The following ADRA1A variants were observed in gnomAD, a reference collection of about 807,000 sequenced individuals.
The protein encoded by ADRA1A is alpha-1A adrenergic receptor.
Under a neutral mutation model 29.6 loss-of-function variants are expected in ADRA1A, and 31 were observed. That is an observed-to-expected ratio of 1.05 (90% confidence interval 0.79 to 1.41). The LOEUF (loss-of-function observed/expected upper bound fraction) is 1.41. Among genes scored for constraint, ADRA1A ranks in the 40% most tolerant of loss-of-function variants. The pLI, the probability that ADRA1A is intolerant of heterozygous loss-of-function variation, is 0.00. For synonymous variants in ADRA1A, 311 were observed against 254.3 expected, an observed-to-expected ratio of 1.22 and a Z score of -2.12; for missense variants, 619 against 601.1, an observed-to-expected ratio of 1.03 and a Z score of -0.31.
downstream of ADRA1A, among the ~76,000 whole-genome samples, chr8:26,765,557 G>A (rs1037715510): frequency 8.5e-5 from 13 of 152,246 alleles, no homozygotes; most frequent in South Asian, 4.1e-4. Flanking sequence ...GGAGCTGTGC[G>A]CAGGTGGTTT....
chr8:26,795,436 A>G (rs1808126444), intron 2 of ADRA1A, among the ~76,000 whole-genome samples: 1 of 152,172 alleles, frequency 6.6e-6, no homozygotes, highest in African/African-American at 2.4e-5. Context: ...TTGAAAACTG[A>G]TAAGTAAAGA....
chr8:26,846,811 A>C (rs575363917), intron 2 of ADRA1A, among the ~76,000 whole-genome samples: 52 of 152,328 alleles, frequency 3.4e-4, no homozygotes, highest in Non-Finnish European at 5.7e-4. Flanking sequence ...AAAGACTTGG[A>C]ACCAACCCAA....
intron 2 of ADRA1A, among the ~76,000 whole-genome samples, chr8:26,758,114 T>A (rs557477028): frequency 6.6e-6 from 1 of 152,288 alleles, no homozygotes; most frequent in African/African-American, 2.4e-5. Context: ...GGTGGGGATA[T>A]TTCCAACCCA....
At chr8:26,780,510 T>C (rs559599962) in intron 2 of ADRA1A, among the ~76,000 whole-genome samples, 3 of 152,356 alleles carry the variant, frequency 2.0e-5, no homozygotes, top group Non-Finnish European at 4.4e-5. Context: ...CAATTCTCTC[T>C]GTCTTCAAGG....
At chr8:26,800,713 T>C (rs1228520767) in intron 2 of ADRA1A, among the ~76,000 whole-genome samples, 1 of 152,148 alleles carries the variant, frequency 6.6e-6, no homozygotes, top group African/African-American at 2.4e-5. Context: ...ACTCAAACTA[T>C]TTCAAAAAAT....
chr8:26,846,345 T>C (rs1252278778), intron 2 of ADRA1A, among the ~76,000 whole-genome samples: 1 of 152,234 alleles, frequency 6.6e-6, no homozygotes, highest in Non-Finnish European at 1.5e-5. Context: ...CTTGGCACTA[T>C]TGCCATTTTG....
downstream of ADRA1A, among the ~76,000 whole-genome samples, chr8:26,761,425 T>C (rs757953662): frequency 1.3e-5 from 2 of 152,224 alleles, no homozygotes; most frequent in Admixed American, 1.3e-4. Flanking sequence ...AATGTGACTG[T>C]ATTCGGCGAT....
At chr8:26,774,985 C>A (rs758379414) in intron 2 of ADRA1A, among the ~76,000 whole-genome samples, 4 of 152,298 alleles carry the variant, frequency 2.6e-5, no homozygotes, top group African/African-American at 4.8e-5. Flanking sequence ...TTGTTCCTGG[C>A]CTCCAGCCAT....
At chr8:26,763,877 C>G (rs1268627000), downstream of ADRA1A, among the ~76,000 whole-genome samples, 1 of 152,096 alleles carries the variant, frequency 6.6e-6, no homozygotes. The surrounding 1 kb of genome is among the most constrained non-coding windows in gnomAD (Gnocchi z 4.5). Flanking sequence ...ACTGTATGAC[C>G]CCACAATGCC....
chr8:26,807,207 A>T (rs1237943644), intron 2 of ADRA1A, among the ~76,000 whole-genome samples: 1 of 152,196 alleles, frequency 6.6e-6, no homozygotes, highest in Non-Finnish European at 1.5e-5. Context: ...GCCCTGGGCA[A>T]GCCACTGAGC....
chr8:26,865,795 T>A lies in ADRA1A; in HGVS notation c.-686-140A>T. 1.2e-6 allele frequency: 1 copy of A among 811,272 alleles called. No homozygotes were observed. Among genetic ancestry groups the A allele is most frequent in the Non-Finnish European group, 1.5e-6 (1 of 671,402 alleles). The allele number at this position is 811,272 out of a possible 1,614,324, so 50.3% of individuals were successfully genotyped here. A position where few individuals can be genotyped will look rare whatever the true frequency, so the allele number is the denominator to read the frequency against. ...CAGAAGCTGCTTCGCCCGGCAGCGGTGGAGGCGACTTCGGAGCTCATCTCG... is the reference window on the plus strand; with the variant it reads ...CAGAAGCTGCTTCGCCCGGCAGCGGAGGAGGCGACTTCGGAGCTCATCTCG... On this transcript the variant is annotated intron_variant, in intron 1 of 2. Transcript: ENST00000380573. This position sits in a 1 kb window ranked among gnomAD's most constrained non-coding sequence, Gnocchi z 7.6.
rs561399406 is a variant in ADRA1A at position 26,770,601 on chromosome 8, G to T, written c.949C>A (p.Leu317Ile). ...VFKIVFWLGY[L>I]NSCINPIIYP... Reference sequence around the variant, plus strand: ...ATGATGGGGTTGATGCAGCTGTTTAGATATCCGAGCCAAAATACTATTTTA... The same window carrying T: ...ATGATGGGGTTGATGCAGCTGTTTATATATCCGAGCCAAAATACTATTTTA... The change falls in exon 3 of 3, where the codon CTA becomes ATA. Residue 317 changes from leucine to isoleucine, a missense_variant. Physicochemically the swap from Leu to Ile is conservative, Grantham distance 5. Transcript: ENST00000380573. 6.2e-7 allele frequency: 1 copy of T among 1,614,206 alleles called. No homozygotes were observed. Among genetic ancestry groups the T allele is most frequent in the Non-Finnish European group, 8.5e-7 (1 of 1,180,040 alleles).
rs140826212 is a variant in ADRA1A, at chr8:26,779,509, A to G, written c.884-8843T>C. ...AGAGCAGATGCTTCTAGGCAAATGG[A>G]AACAGTCAAAAGGGGAAAACAGCCC... On this transcript the variant is annotated intron_variant, in intron 2 of 2. Coordinates refer to ENST00000380573, the MANE Select transcript of ADRA1A (RefSeq NM_000680.4). 4.9e-4 allele frequency: 302 copies of G among 622,596 alleles called. No individual in the cohort carries two copies. The African/African-American group carries it at 5.2e-3, about 11-fold the overall frequency. 38.6% of individuals were successfully genotyped at this position (622,596 alleles called of 1,614,324 possible).
chr8:26,855,904 C>T (rs1813012557), intron 2 of ADRA1A, among the ~76,000 whole-genome samples: 1 of 152,140 alleles, frequency 6.6e-6, no homozygotes, highest in Non-Finnish European at 1.5e-5. Flanking sequence ...TCCTCATATC[C>T]ACCATGAAAC....
chr8:26,765,884 G>C (rs17333700), downstream of ADRA1A: 289,069 of 1,417,090 alleles, frequency 0.2, 31,141 homozygotes, highest in Middle Eastern at 0.24. Flanking sequence ...CAAGCAAATA[G>C]TTCCTAAAAT....
At chr8:26,786,744 T>TGGG (rs11446463) in intron 2 of ADRA1A, among the ~76,000 whole-genome samples, 2 of 145,500 alleles carry the variant, frequency 1.4e-5, no homozygotes, top group African/African-American at 4.9e-5. Context: ...CATGCTGGGT[T>TGGG]GGGGGGGGGG....
Position 26,848,934 on chromosome 8 carries a change from C to T in ADRA1A, c.883+15153G>A, listed in dbSNP as rs142614957. ...AGGACTGAAGGAGAGAATCGCACTG[C>T]GGGTGACCCACTTCTGCTTCACACT... On this transcript the variant is annotated intron_variant, in intron 2 of 2. Coordinates refer to ENST00000380573, the MANE Select transcript of ADRA1A (RefSeq NM_000680.4). The surrounding 1 kb of genome is among the most constrained non-coding windows in gnomAD (Gnocchi z 4.3). Among the ~76,000 whole-genome samples, 86 of 152,264 alleles carry T rather than the reference C, an allele frequency of 5.6e-4. No homozygotes were observed. Among genetic ancestry groups the T allele is most frequent in the Non-Finnish European group, 6.2e-4 (42 of 68,012 alleles).
At chr8:26,762,484 A>T (rs1027400433), downstream of ADRA1A, among the ~76,000 whole-genome samples, 1 of 152,114 alleles carries the variant, frequency 6.6e-6, no homozygotes, top group Non-Finnish European at 1.5e-5. The surrounding 1 kb of genome is among the most constrained non-coding windows in gnomAD (Gnocchi z 4.0). Flanking sequence ...AGAGCTATGC[A>T]TGGAGCATGG....
Position 26,865,764 on chromosome 8 carries a change from G to A in ADRA1A, c.-686-109C>T, listed in dbSNP as rs1170197102. 12 of 966,084 alleles carry A rather than the reference G, an allele frequency of 1.2e-5. No individual in the cohort carries two copies. The African/African-American group carries it at 1.9e-4, about 16-fold the overall frequency. 59.8% of individuals were successfully genotyped at this position (966,084 alleles called of 1,614,324 possible). A position where few individuals can be genotyped will look rare whatever the true frequency, so the allele number is the denominator to read the frequency against. ...ACCAGTTGGGAGCCGGGTTGGTTCT[G>A]CGGTCCAGAAGCTGCTTCGCCCGGC... On this transcript the variant is annotated intron_variant, in intron 1 of 2. Transcript: ENST00000380573. The surrounding 1 kb of genome is among the most constrained non-coding windows in gnomAD (Gnocchi z 7.6).
Sources: allele counts gnomAD v4.1 joint callset (sites outside exome capture counted in the v4.1 genomes callset), GRCh38; gene constraint gnomAD v4.1.1; non-coding constraint Gnocchi (gnomAD v3.1); transcripts MANE v1.5; gene names NCBI Gene and HGNC (gene_info 2026-07-23, HGNC 2026-07-21).